The following RP1 variants were observed in gnomAD, a reference collection of about 807,000 sequenced individuals.
The protein encoded by RP1 is oxygen-regulated protein 1.
In RP1, 16 loss-of-function variants were observed where a neutral mutation model predicts 14.8. That is an observed-to-expected ratio of 1.08 (90% confidence interval 0.73 to 1.65). The LOEUF (loss-of-function observed/expected upper bound fraction) is 1.65, where lower values mean the gene tolerates loss of function less well. RP1 is among the 40% of genes most tolerant of loss of function. RP1 has a pLI of 0.00. For missense variants in RP1, 2,631 were observed against 2,535.0 expected, an observed-to-expected ratio of 1.04 and a Z score of -0.81; for synonymous variants, 876 against 883.6, an observed-to-expected ratio of 0.99 and a Z score of 0.15.
intron 27 of RP1, among the ~76,000 whole-genome samples, chr8:54,859,067 G>T (rs1280764123): frequency 1.3e-5 from 2 of 152,118 alleles, no homozygotes; most frequent in African/African-American, 2.4e-5. Context: ...GCTCACTGCA[G>T]AGGGGTGTCA....
chr8:54,669,661 A>C (rs1253986583), intron 7 of RP1, among the ~76,000 whole-genome samples: 2 of 152,214 alleles, frequency 1.3e-5, no homozygotes, highest in Non-Finnish European at 1.5e-5. Context: ...GATCAAGAAA[A>C]TGTGGCACAT....
At chr8:54,775,781 C>T (rs1810020823) in intron 23 of RP1, among the ~76,000 whole-genome samples, 1 of 152,214 alleles carries the variant, frequency 6.6e-6, no homozygotes, top group Admixed American at 6.5e-5. Context: ...TGGATAGGCT[C>T]ATACAGACCT....
intron 3 of RP1, among the ~76,000 whole-genome samples, chr8:54,642,915 TGAA>T (rs1241154939): frequency 1.3e-5 from 2 of 152,140 alleles, no homozygotes; most frequent in Non-Finnish European, 2.9e-5. Context: ...CTCTGATAGA[TGAA>T]AAACAATGTT....
At chr8:54,582,082 C>T (rs1366338292) in intron 1 of RP1, among the ~76,000 whole-genome samples, 1 of 152,198 alleles carries the variant, frequency 6.6e-6, no homozygotes, top group Non-Finnish European at 1.5e-5. Context: ...TTGCCCATGC[C>T]TATGTCCTGA....
At chr8:54,855,599 A>G (rs917063726) in intron 26 of RP1, among the ~76,000 whole-genome samples, 4 of 152,216 alleles carry the variant, frequency 2.6e-5, no homozygotes, top group African/African-American at 9.6e-5. Flanking sequence ...ACATACTGGC[A>G]AAAGACTTGT....
chr8:54,706,634 G>A, exon 15 of RP1: 2 of 1,536,070 alleles, frequency 1.3e-6, no homozygotes, highest in Non-Finnish European at 1.7e-6. Context: ...TAAGAATCAA[G>A]GATGGCCGAT....
At chr8:54,763,363 T>G (rs1276878255) in intron 22 of RP1, among the ~76,000 whole-genome samples, 3 of 152,152 alleles carry the variant, frequency 2.0e-5, no homozygotes, top group Non-Finnish European at 4.4e-5. Flanking sequence ...GTTTGGGAAA[T>G]GACATTGATA....
intron 1 of RP1, among the ~76,000 whole-genome samples, chr8:54,572,228 C>G (rs1375559694): frequency 1.3e-5 from 2 of 152,216 alleles, no homozygotes; most frequent in Non-Finnish European, 2.9e-5. Flanking sequence ...GGGCTAATTG[C>G]TAAGTCTGGA....
rs1329484646 is a variant in RP1, at chr8:54,627,273, G to T, written c.3391G>T (p.Ala1131Ser). Residue 1131 changes from alanine (A) to serine (S), a missense_variant, in exon 4 of 4, where the codon GCT becomes TCT. Ala to Ser is a moderately conservative substitution (Grantham distance 99). Coordinates refer to ENST00000220676, the MANE Select transcript of RP1 (RefSeq NM_006269.2). ...ICNSSTNLLL[A>S]WLLVLNLKGS... ...TAATTCATCCACTAATCTCCTTCTA[G>T]CTTGGCTCTTGGTGCTAAACCTAAA... 3 of 1,614,068 alleles carry T rather than the reference G, an allele frequency of 1.9e-6. No homozygotes were observed. Among genetic ancestry groups the T allele is most frequent in the Non-Finnish European group, 2.5e-6 (3 of 1,179,978 alleles).
chr8:54,811,226 C>A (rs1054493774), intron 24 of RP1, among the ~76,000 whole-genome samples: 1 of 152,158 alleles, frequency 6.6e-6, no homozygotes, highest in African/African-American at 2.4e-5. Context: ...ATTGTTACTG[C>A]TGCCAACTCA....
At chr8:54,720,408 G>A (rs1808507145) in intron 16 of RP1, 1 of 1,050,616 alleles carries the variant, frequency 9.5e-7, no homozygotes. Context: ...AATCTCTGCT[G>A]CTAGGCTTTT....
At chr8:54,582,644 G>A (rs1267775021) in intron 1 of RP1, among the ~76,000 whole-genome samples, 7 of 152,134 alleles carry the variant, frequency 4.6e-5, no homozygotes, top group African/African-American at 7.2e-5. Context: ...AGCATGGAAT[G>A]TTCTTCCATT....
chr8:54,573,742 T>C (rs1463790717), intron 1 of RP1, among the ~76,000 whole-genome samples: 1 of 152,212 alleles, frequency 6.6e-6, no homozygotes, highest in Non-Finnish European at 1.5e-5. Context: ...GAATGTGTTA[T>C]GTGTTGGTCA....
At chr8:54,565,706 C>A (rs186601660) in intron 1 of RP1, among the ~76,000 whole-genome samples, 1 of 151,976 alleles carries the variant, frequency 6.6e-6, no homozygotes, top group Admixed American at 6.6e-5. Flanking sequence ...GGGTGGAGAG[C>A]GGGGATTGGG....
downstream of RP1, among the ~76,000 whole-genome samples, chr8:54,771,525 T>G (rs1809907163): frequency 6.6e-6 from 1 of 152,062 alleles, no homozygotes; most frequent in Non-Finnish European, 1.5e-5. Context: ...CTTCATCAAA[T>G]TTGATTAAAT....
chr8:54,583,212 G>T (rs1804838896), intron 1 of RP1, among the ~76,000 whole-genome samples: 2 of 152,126 alleles, frequency 1.3e-5, no homozygotes. Context: ...AGCATGAAGG[G>T]TTGTTGAATT....
At chr8:54,560,089 G>T (rs905414628) in intron 1 of RP1, among the ~76,000 whole-genome samples, 6 of 152,270 alleles carry the variant, frequency 3.9e-5, no homozygotes, top group African/African-American at 1.4e-4. Flanking sequence ...GGGCATCATG[G>T]CAGGAGCTTG....
chr8:54,770,802 G>A (rs1809881682), downstream of RP1, among the ~76,000 whole-genome samples: 1 of 151,242 alleles, frequency 6.6e-6, no homozygotes, highest in Admixed American at 6.6e-5. Context: ...TTTGCATATT[G>A]GTTTCTTAGT....
rs1007331368 is a variant in RP1, at chr8:54,696,008, A to C, written c.1718-3459A>C. ...TTTCATTTTTAGAAATATGACTTTA[A>C]ATGAATATAAAATCATATAAATATA... is the stretch of plus-strand genomic sequence containing the variant. On this transcript the variant is annotated intron_variant, in intron 12 of 22. Coordinates refer to the RP1 transcript ENST00000636932. Among the ~76,000 whole-genome samples the C allele has an allele frequency of 1.1e-4, 16 of 152,148 alleles. 2 individuals carry two copies. The highest frequency in any genetic ancestry group is 9.8e-4 in the Admixed American group (15 of 15,256).
Sources: gnomAD v4.1 joint callset for allele counts (sites outside exome capture counted in the v4.1 genomes callset) on GRCh38, gnomAD v4.1.1 for gene constraint, MANE v1.5 for transcripts, NCBI Gene and HGNC (gene_info 2026-07-23, HGNC 2026-07-21) for gene names.